UTS2: variants seen among roughly 807,000 people sequenced by gnomAD.
UTS2 encodes urotensin-2.
A neutral mutation model predicts 12.6 loss-of-function variants in UTS2; 10 were observed. The ratio of observed to expected loss-of-function variants is 0.80; its 90% CI spans 0.49 to 1.35. The LOEUF (loss-of-function observed/expected upper bound fraction) is 1.35, where lower values mean the gene tolerates loss of function less well. UTS2 is among the 40% of genes most tolerant of loss of function. The pLI, the probability that UTS2 is intolerant of heterozygous loss-of-function variation, is 0.00. For missense variants in UTS2, 142 were observed against 143.2 expected (o/e 0.99, Z 0.04); for synonymous variants, 52 against 50.0 (o/e 1.04, Z -0.17).
upstream of UTS2, among the ~76,000 whole-genome samples, chr1:7,857,100 A>AAAGGAAGGACGGAAGGAAGGAAGG (rs754358229): frequency 4.7e-5 from 3 of 64,232 alleles, no homozygotes; most frequent in Non-Finnish European, 8.5e-5. Flanking sequence ...GGAAGGAAGA[A>AAAGGAAGGACGGAAGGAAGGAAGG]AAGGAATGAA....
intron 3 of UTS2, 55 bp from the exon 4 acceptor site, chr1:7,847,937 G>A (rs2097409549): frequency 4.8e-6 from 6 of 1,241,592 alleles, no homozygotes; most frequent in South Asian, 1.3e-5. Context: ...AGTTACCAAC[G>A]AGTGACGATT....
the UTS2 span, among the ~76,000 whole-genome samples, chr1:7,862,656 G>A: frequency 6.6e-6 from 1 of 152,080 alleles, no homozygotes; most frequent in Admixed American, 6.5e-5. Context: ...AGACAGGAGG[G>A]CCAGGCTCTC....
the UTS2 span, among the ~76,000 whole-genome samples, chr1:7,868,327 A>G: frequency 6.6e-6 from 1 of 152,200 alleles, no homozygotes; most frequent in African/African-American, 2.4e-5. Flanking sequence ...ACCCAGAGAT[A>G]AGGACTCATC....
chr1:7,912,371 T>G, the UTS2 span, among the ~76,000 whole-genome samples: 1 of 152,140 alleles, frequency 6.6e-6, no homozygotes, highest in East Asian at 1.9e-4. Flanking sequence ...CAATCAAAAC[T>G]AAGCAAGTTT....
the UTS2 span, among the ~76,000 whole-genome samples, chr1:7,887,588 T>C: frequency 1.0e-5 from 1 of 96,486 alleles, no homozygotes; most frequent in South Asian, 3.9e-4. Context: ...AGACCCAGTC[T>C]CTACAAAAAA....
the UTS2 span, among the ~76,000 whole-genome samples, chr1:7,869,960 TG>T: frequency 4.5e-4 from 68 of 152,240 alleles, no homozygotes; most frequent in African/African-American, 1.5e-3. Context: ...TAAATGGAAA[TG>T]AAAAACTCCA....
At chr1:7,874,111 A>G in the UTS2 span, among the ~76,000 whole-genome samples, 96,956 of 151,930 alleles carry the variant, frequency 0.64, 31,156 homozygotes, top group East Asian at 0.74. Flanking sequence ...TGCAAAGAGA[A>G]TGATGTGAAG....
chr1:7,907,636 G>T, the UTS2 span, among the ~76,000 whole-genome samples: 2 of 147,558 alleles, frequency 1.4e-5, no homozygotes, highest in Non-Finnish European at 3.0e-5. Flanking sequence ...GCCAGACCAT[G>T]TCTCTAAAAA....
At chr1:7,884,936 A>ATGAT in the UTS2 span, among the ~76,000 whole-genome samples, 1 of 144,174 alleles carries the variant, frequency 6.9e-6, no homozygotes, top group Non-Finnish European at 1.5e-5. Flanking sequence ...CCACTCACCT[A>ATGAT]TCATTCATCC....
At chr1:7,897,511 A>T in the UTS2 span, among the ~76,000 whole-genome samples, 6 of 152,222 alleles carry the variant, frequency 3.9e-5, no homozygotes, top group African/African-American at 1.4e-4. Context: ...TCTTTACAAT[A>T]TGGAGGCTTT....
At chr1:7,892,507 ACT>A in the UTS2 span, among the ~76,000 whole-genome samples, 1 of 113,002 alleles carries the variant, frequency 8.8e-6, no homozygotes, top group Non-Finnish European at 1.7e-5. Flanking sequence ...ACGGAGTGTC[ACT>A]CTGTCATCCA....
At chr1:7,882,767 A>C in the UTS2 span, among the ~76,000 whole-genome samples, 22 of 152,338 alleles carry the variant, frequency 1.4e-4, no homozygotes, top group African/African-American at 5.1e-4. Context: ...ATTTGAATAG[A>C]CCTTTCTCAA....
At chr1:7,901,406 G>A in the UTS2 span, among the ~76,000 whole-genome samples, 1 of 152,152 alleles carries the variant, frequency 6.6e-6, no homozygotes, top group Non-Finnish European at 1.5e-5. Context: ...TGTCTGCCTT[G>A]GAGAGGAGGT....
At chr1:7,864,321 C>T in the UTS2 span, among the ~76,000 whole-genome samples, 1 of 152,036 alleles carries the variant, frequency 6.6e-6, no homozygotes, top group African/African-American at 2.4e-5. Flanking sequence ...GGCGCTTTGT[C>T]CTGCCGGACT....
the UTS2 span, among the ~76,000 whole-genome samples, chr1:7,889,476 TGAGAA>T: frequency 8.0e-6 from 1 of 124,484 alleles, no homozygotes; most frequent in Non-Finnish European, 1.7e-5. Context: ...AAAGAAAAGA[TGAGAA>T]AAGAAAAGAA....
At chr1:7,863,139 T>A in the UTS2 span, among the ~76,000 whole-genome samples, 2 of 150,354 alleles carry the variant, frequency 1.3e-5, no homozygotes, top group South Asian at 2.1e-4. Flanking sequence ...GAGACGAAGT[T>A]TTGCTCTTGT....
At chr1:7,890,556 T>C in the UTS2 span, among the ~76,000 whole-genome samples, 4 of 152,194 alleles carry the variant, frequency 2.6e-5, no homozygotes, top group East Asian at 5.8e-4. Context: ...TACAGATGCA[T>C]TTACGAAGAT....
upstream of UTS2, chr1:7,853,143 A>T (rs2097415927): frequency 7.6e-6 from 11 of 1,451,116 alleles, no homozygotes; most frequent in Non-Finnish European, 1.0e-5. Flanking sequence ...AAAAAAAATG[A>T]ATTTATTGGC....
At chr1:7,848,266 G>A (rs2097409901) in intron 3 of UTS2, among the ~76,000 whole-genome samples, 1 of 151,972 alleles carries the variant, frequency 6.6e-6, no homozygotes, top group South Asian at 2.1e-4. Flanking sequence ...TGGGCAACAT[G>A]ATGAAACCTC....
Sources: allele counts gnomAD v4.1 joint callset (sites outside exome capture counted in the v4.1 genomes callset), GRCh38; gene constraint gnomAD v4.1.1; transcripts MANE v1.5; gene names NCBI Gene and HGNC (gene_info 2026-07-23, HGNC 2026-07-21).